OPN4: variants seen among roughly 807,000 people sequenced by gnomAD.
OPN4 encodes the protein melanopsin.
A neutral mutation model predicts 49.5 loss-of-function variants in OPN4; 43 were observed. The observed-to-expected ratio is 0.87, with a 90% CI of 0.68 to 1.12. The LOEUF is 1.12. Among genes scored for constraint, OPN4 ranks in the 50% most tolerant of loss-of-function variants. The probability of loss-of-function intolerance (pLI) is 0.00; values close to 1 mark genes in which losing one functional copy is unlikely to be tolerated. For missense variants in OPN4, 657 were observed against 643.9 expected (o/e 1.02, Z -0.22); for synonymous variants, 263 against 258.0 (o/e 1.02, Z -0.19).
intron 9 of OPN4, 122 bp downstream of exon 9, chr10:86,663,924 C>T: frequency 3.3e-6 from 4 of 1,221,752 alleles, no homozygotes; most frequent in East Asian, 2.7e-5. Flanking sequence ...CCAGGAATCA[C>T]CTGCTCCCAG....
intron 9 of OPN4, chr10:86,664,088 G>C (rs1047224891): frequency 2.7e-6 from 1 of 364,628 alleles, no homozygotes; most frequent in Non-Finnish European, 5.0e-6. Flanking sequence ...GGCATGATAA[G>C]AGTACATGTG....
At chr10:86,663,882 A>C (rs1166960930) in intron 9 of OPN4, 80 bp downstream of exon 9, 23 of 1,487,692 alleles carry the variant, frequency 1.5e-5, no homozygotes, top group Non-Finnish European at 1.9e-5. Flanking sequence ...CAGGAAAGAG[A>C]GACTTGTTCT....
rs945759426 is a variant in OPN4 at position 86,661,271 on chromosome 10, T to A, written c.966-10T>A. ...CAGCTAGCTTGGGGACCACACCTTC[T>A]CTGTCCTAGGTACGCACACGTCCTG... On this transcript the variant is annotated splice_polypyrimidine_tract_variant and intron_variant, in intron 6 of 9. Transcript: ENST00000241891. 1.9e-6 allele frequency: 3 copies of A among 1,611,834 alleles called. No individual in the cohort carries two copies. Among genetic ancestry groups the A allele is most frequent in the Non-Finnish European group, 2.5e-6 (3 of 1,178,224 alleles).
In OPN4 at chr10:86,663,808, TG is replaced by T. The variant is rs1844078485; in HGVS notation, c.1398+9del. On this transcript the variant is annotated splice_region_variant and intron_variant, in intron 9 of 9. Coordinates refer to ENST00000241891, the MANE Select transcript of OPN4 (RefSeq NM_033282.4). The stretch of plus-strand genomic sequence containing the variant: ...AAGCAGAGACTCCAGGGAAGGTGAC[TG>T]GGCCCGGTACCTGCCAATCCACAAA... The T allele has an allele frequency of 6.4e-7, 1 of 1,550,452 alleles. No individual in the cohort carries two copies. Among genetic ancestry groups the T allele is most frequent in the Non-Finnish European group, 8.7e-7 (1 of 1,146,980 alleles).
rs996775718 is a variant in OPN4, at chr10:86,665,871, G to A, written c.*120G>A. 16 of 792,310 alleles carry A rather than the reference G, an allele frequency of 2.0e-5. No individual in the cohort carries two copies. Among genetic ancestry groups the A allele is most frequent in the Admixed American group, 4.2e-5 (2 of 47,300 alleles). The allele number at this position is 792,310 out of a possible 1,614,324, so 49.1% of individuals were successfully genotyped here. ...GGCTTTGGAAGTGGCCCTGTCACCC[G>A]TGCTGCACGGGATTCACAGCCCCAG... On this transcript the variant is annotated 3_prime_UTR_variant, in exon 10 of 10. Transcript: ENST00000241891.
At position 86,655,799 on chromosome 10, in the gene OPN4, A is replaced by G. The variant is rs34790909; in HGVS notation, c.145-356A>G. ...TTGGGCTGGAGTCCATACTGCAGGCAGGGATGCACCCAGGAGTTGGCTCTG... is the reference window on the plus strand; with the variant it reads ...TTGGGCTGGAGTCCATACTGCAGGCGGGGATGCACCCAGGAGTTGGCTCTG... On this transcript the variant is annotated intron_variant, in intron 1 of 9. Coordinates refer to ENST00000241891, the MANE Select transcript of OPN4 (RefSeq NM_033282.4). Among the ~76,000 whole-genome samples the G allele has an allele frequency of 5.5e-3, 833 of 152,310 alleles. 8 individuals carry two copies. The highest frequency in any genetic ancestry group is 0.043 in the South Asian group (206 of 4,822).
Position 86,659,944 on chromosome 10 carries a change from C to T in OPN4, c.850C>T (p.Gln284Ter), listed in dbSNP as rs374236161. The stretch of plus-strand genomic sequence containing the variant: ...CAAGGGCAATGGCGAGTCCCTGTGG[C>T]AGCGGCAGCGGCTGCAGAGCGAGTG... ...ACKGNGESLW[Q>*]RQRLQSECKM... Residue 284 changes from glutamine (Q) to a stop codon, truncating the protein, a stop_gained, in exon 6 of 10, where the codon CAG becomes TAG. Transcript: ENST00000241891. LOFTEE classifies it high-confidence loss of function. 114 of 1,613,996 alleles carry T rather than the reference C, an allele frequency of 7.1e-5. 1 individual carries two copies. Among genetic ancestry groups the T allele is most frequent in the Non-Finnish European group, 9.2e-5 (108 of 1,180,026 alleles).
In OPN4 at chr10:86,665,845, A is replaced by G. The variant is rs563719042; in HGVS notation, c.*94A>G. ...ACCCAGGATTATGCTGTGAGCCTGC[A>G]GGCTTTGGAAGTGGCCCTGTCACCC... On this transcript the variant is annotated 3_prime_UTR_variant, in exon 10 of 10. Transcript: ENST00000241891. The G allele has an allele frequency of 1.5e-4, 152 of 1,033,780 alleles. 1 individual carries two copies. The Admixed American group carries it at 2.7e-3, about 18-fold the overall frequency. 64.0% of individuals were successfully genotyped at this position (1,033,780 alleles called of 1,614,324 possible).
At chr10:86,657,058 C>A (rs1274044053) in intron 2 of OPN4, 3 of 631,228 alleles carry the variant, frequency 4.8e-6, no homozygotes, top group Non-Finnish European at 8.7e-6. Context: ...CTGCCTGGCT[C>A]AGTGGCTGAG....
chr10:86,656,480 AG>A (rs1296303213), intron 2 of OPN4, among the ~76,000 whole-genome samples, 180 bp downstream of exon 2: 1 of 152,202 alleles, frequency 6.6e-6, no homozygotes, highest in Admixed American at 6.5e-5. Context: ...GGTCACGGAA[AG>A]GGCCAAAAAT....
In OPN4 at chr10:86,665,965, A is replaced by G. The variant is rs1844165650; in HGVS notation, c.*214A>G. On this transcript the variant is annotated 3_prime_UTR_variant, in exon 10 of 10. Coordinates refer to ENST00000241891, the MANE Select transcript of OPN4 (RefSeq NM_033282.4). ...GTCCTCCGCATCCACTTTCCAGCTC[A>G]GCAGCCGCACCCGAGGCTCAGCCTG... is the stretch of plus-strand genomic sequence containing the variant. 5.3e-6 allele frequency: 3 copies of G among 570,546 alleles called. No individual in the cohort carries two copies. Among genetic ancestry groups the G allele is most frequent in the Non-Finnish European group, 9.3e-6 (3 of 322,814 alleles). The allele number at this position is 570,546 out of a possible 1,614,324, so 35.3% of individuals were successfully genotyped here. A position where few individuals can be genotyped will look rare whatever the true frequency, so the allele number is the denominator to read the frequency against.
intron 2 of OPN4, among the ~76,000 whole-genome samples, chr10:86,656,898 T>C (rs1843881257): frequency 7.4e-6 from 1 of 135,338 alleles, no homozygotes; most frequent in Non-Finnish European, 1.5e-5. Context: ...TGAACCGAGA[T>C]CATGCCACTG....
chr10:86,655,688 G>T (rs1564619043), intron 1 of OPN4, among the ~76,000 whole-genome samples: 1 of 152,162 alleles, frequency 6.6e-6, no homozygotes, highest in Admixed American at 6.5e-5. Context: ...CTCCTCTAAG[G>T]CTCAGTAGGG....
intron 9 of OPN4, among the ~76,000 whole-genome samples, chr10:86,664,410 A>T (rs1254861205): frequency 6.6e-6 from 1 of 152,200 alleles, no homozygotes; most frequent in African/African-American, 2.4e-5. Flanking sequence ...ACTTGTGGCT[A>T]TTAAAAGAAG....
chr10:86,655,657 T>C (rs955714456), intron 1 of OPN4, among the ~76,000 whole-genome samples: 1 of 152,198 alleles, frequency 6.6e-6, no homozygotes, highest in African/African-American at 2.4e-5. Context: ...TACCCAGCTA[T>C]GCTATTGGGC....
At chr10:86,660,139 C>T in intron 6 of OPN4, 80 bp downstream of exon 6, 1 of 1,497,426 alleles carries the variant, frequency 6.7e-7, no homozygotes, top group Non-Finnish European at 9.2e-7. Context: ...CTCTCCTTCC[C>T]AGCCCAACCC....
intron 2 of OPN4, among the ~76,000 whole-genome samples, chr10:86,656,519 CTAAT>C (rs1475194176): frequency 2.6e-5 from 4 of 152,208 alleles, no homozygotes; most frequent in African/African-American, 7.2e-5. Context: ...CTGACTGGCA[CTAAT>C]TGAGACCCAG....
In OPN4 at chr10:86,666,417, A is replaced by G; in HGVS notation, c.*666A>G. 2 of 197,726 alleles carry G rather than the reference A, an allele frequency of 1.0e-5. No homozygotes were observed. Among genetic ancestry groups the G allele is most frequent in the Non-Finnish European group, 1.1e-5 (1 of 94,988 alleles). The allele number at this position is 197,726 out of a possible 1,614,324, so 12.2% of individuals were successfully genotyped here. A position where few individuals can be genotyped will look rare whatever the true frequency, so the allele number is the denominator to read the frequency against. The stretch of plus-strand genomic sequence containing the variant: ...CCTCCCAGGGCTGTGTGGATCTGAC[A>G]GGGTATAGGAAAATAAAAAGCGGAG... On this transcript the variant is annotated 3_prime_UTR_variant, in exon 10 of 10. Transcript: ENST00000241891.
At chr10:86,663,564 G>C in intron 8 of OPN4, 95 bp from the exon 9 acceptor site, 1 of 1,205,024 alleles carries the variant, frequency 8.3e-7, no homozygotes, top group Non-Finnish European at 1.1e-6. Flanking sequence ...ATGAATACCT[G>C]TTGGGAGGAT....
Sources: allele counts gnomAD v4.1 joint callset (sites outside exome capture counted in the v4.1 genomes callset), GRCh38; gene constraint gnomAD v4.1.1; transcripts MANE v1.5; gene names NCBI Gene and HGNC (gene_info 2026-07-23, HGNC 2026-07-21).